Variants in TTC34 observed in about 807,000 individuals in gnomAD.
TTC34 encodes tetratricopeptide repeat protein 34.
In TTC34, 44 loss-of-function variants were observed where a neutral mutation model predicts 40.7. That is an observed-to-expected ratio of 1.08 (90% CI 0.85 to 1.39). TTC34 has a LOEUF of 1.39. Ranked by LOEUF, TTC34 falls within the 40% of genes most tolerant of loss-of-function variation. The pLI, the probability that TTC34 is intolerant of heterozygous loss-of-function variation, is 0.00. For missense variants in TTC34, 884 were observed against 838.0 expected (o/e 1.05, Z -0.68); for synonymous variants, 422 against 398.6 (o/e 1.06, Z -0.70).
In TTC34 at chr1:2,686,549, A is replaced by G. The variant is rs374302329; in HGVS notation, c.2227-40986T>C. Among the ~76,000 whole-genome samples, 25 of 73,112 alleles carry G rather than the reference A, an allele frequency of 3.4e-4. No individual in the cohort carries two copies. In the East Asian group the frequency reaches 8.8e-3, roughly 26 times the overall value. The allele number at this position is 73,112 out of a possible 152,430, so 48.0% of individuals were successfully genotyped here. A position where few individuals can be genotyped will look rare whatever the true frequency, so the allele number is the denominator to read the frequency against. On this transcript the variant is annotated intron_variant, in intron 6 of 8. Transcript: ENST00000401095. ...CCAGGGGAGCATCTGACAGCCTGGA[A>G]CAGCACGCACACACCCAGGTGAGCA...
chr1:2,656,138 C>A (rs1474924029), intron 6 of TTC34, among the ~76,000 whole-genome samples: 1 of 152,284 alleles, frequency 6.6e-6, no homozygotes, highest in African/African-American at 2.4e-5. Context: ...CCCACAGCCC[C>A]AGGTGAGCAT....
chr1:2,643,275 T>G (rs557398718), intron 8 of TTC34, among the ~76,000 whole-genome samples: 1 of 152,330 alleles, frequency 6.6e-6, no homozygotes, highest in East Asian at 1.9e-4. Context: ...TGTTGGCTCA[T>G]TTCCGGGTGG....
chr1:2,644,547 C>G, intron 7 of TTC34, 69 bp from the exon 8 acceptor site: 1 of 1,433,380 alleles, frequency 7.0e-7, no homozygotes, highest in South Asian at 1.3e-5. Context: ...CTGAGACTCG[C>G]TGGCCGCTCC....
intron 6 of TTC34, among the ~76,000 whole-genome samples, chr1:2,651,025 C>T (rs1322363824): frequency 1.3e-5 from 2 of 150,500 alleles, no homozygotes; most frequent in East Asian, 2.0e-4. Context: ...CAGCACTCCA[C>T]GCCTTCGGGG....
At chr1:2,697,753 AGAGC>A (rs1640935745) in intron 6 of TTC34, among the ~76,000 whole-genome samples, 3 of 34,332 alleles carry the variant, frequency 8.7e-5, no homozygotes, top group South Asian at 1.1e-3. Context: ...ACAGCCTGGA[AGAGC>A]AACCACACCC....
intron 6 of TTC34, among the ~76,000 whole-genome samples, chr1:2,684,531 C>G (rs1423860950): frequency 1.6e-5 from 2 of 123,452 alleles, no homozygotes; most frequent in Non-Finnish European, 3.5e-5. Context: ...AGGTGAGCAT[C>G]CGACATCCTG....
At chr1:2,695,732 GAA>G in intron 6 of TTC34, among the ~76,000 whole-genome samples, 2 of 137,008 alleles carry the variant, frequency 1.5e-5, no homozygotes, top group South Asian at 2.4e-4. Flanking sequence ...GTGAGCAGCT[GAA>G]ATCCTGGAAC....
rs180777014 is a variant in TTC34, at chr1:2,645,340, C to G, written c.2450G>C (p.Gly817Ala). The G allele has an allele frequency of 6.6e-7, 1 of 1,525,644 alleles. No individual in the cohort carries two copies. The highest frequency in any genetic ancestry group is 2.0e-5 in the Admixed American group (1 of 49,808). 94.5% of individuals were successfully genotyped at this position (1,525,644 alleles called of 1,614,324 possible). Reference sequence around the variant, plus strand: ...CAGGAGGAGGTGCCAGTGCGGTTGCCCTGAGTCGATTTTGATCAGCGCCTC... The same window carrying G: ...CAGGAGGAGGTGCCAGTGCGGTTGCGCTGAGTCGATTTTGATCAGCGCCTC... The change falls in exon 7 of 9, where the codon GGG becomes GCG. Residue 817 changes from glycine to alanine, a missense_variant. By Grantham distance (60) the Gly-to-Ala change is moderately conservative (BLOSUM62 0). Coordinates refer to ENST00000401095, the Ensembl canonical transcript of TTC34. The surrounding 1 kb of genome is among the most constrained non-coding windows in gnomAD (Gnocchi z 4.7).
At chr1:2,694,619 C>A (rs1016254756) in intron 6 of TTC34, among the ~76,000 whole-genome samples, 1 of 84,340 alleles carries the variant, frequency 1.2e-5, no homozygotes, top group Non-Finnish European at 2.9e-5. Flanking sequence ...AACCACGGAG[C>A]AGCACCCACA....
chr1:2,691,768 A>G (rs1345913241), intron 6 of TTC34, among the ~76,000 whole-genome samples: 5 of 60,054 alleles, frequency 8.3e-5, no homozygotes, highest in African/African-American at 1.6e-4. Context: ...CTGAACGCAA[A>G]TAGCAGCACC....
chr1:2,793,336 AT>A (rs899541033), intron 2 of TTC34, among the ~76,000 whole-genome samples: 2 of 151,922 alleles, frequency 1.3e-5, no homozygotes, highest in African/African-American at 2.4e-5. Flanking sequence ...CTTGTATTGA[AT>A]TTTTTTTCTT....
At position 2,787,560 on chromosome 1, in the gene TTC34, C is replaced by T. The variant is rs61737584; in HGVS notation, c.1775G>A (p.Arg592Gln). 4.3e-3 allele frequency: 6,639 copies of T among 1,543,902 alleles called. 233 individuals are homozygous for T. In the African/African-American group the frequency reaches 0.08, roughly 19 times the overall value. ...CAGCACAGGGGCTGCCTGGGGCCTCCGGGATAGGGCCACCAGCAGGGCCTT... is the reference window on the plus strand; with the variant it reads ...CAGCACAGGGGCTGCCTGGGGCCTCTGGGATAGGGCCACCAGCAGGGCCTT... Residue 592 changes from arginine to glutamine, a missense_variant, in exon 4 of 9, where the codon CGG becomes CAG. By Grantham distance (43) the Arg-to-Gln change is conservative. Transcript: ENST00000401095.
intron 6 of TTC34, among the ~76,000 whole-genome samples, chr1:2,688,621 G>A (rs1274880116): frequency 6.9e-5 from 9 of 131,048 alleles, no homozygotes; most frequent in Middle Eastern, 4.5e-3. Flanking sequence ...CCCCAGGTGC[G>A]CATCTGATGG....
chr1:2,756,745 ACC>A (rs1641520403), intron 6 of TTC34, among the ~76,000 whole-genome samples: 1 of 120,264 alleles, frequency 8.3e-6, no homozygotes. Flanking sequence ...CAGCACGCAC[ACC>A]CCCAGTTGAG....
chr1:2,698,970 C>G (rs572504254), intron 6 of TTC34, among the ~76,000 whole-genome samples: 187 of 138,714 alleles, frequency 1.3e-3, no homozygotes, highest in Non-Finnish European at 2.2e-3. Context: ...TCACCCTGCC[C>G]CCCCAGGTGA....
Position 2,645,548 on chromosome 1 carries a change from T to C in TTC34, c.2242A>G (p.Ile748Val), listed in dbSNP as rs1639005396. ...GGGCCGAGCTTCAGAGCAGAGACGA[T>C]GTCGTCCACGGCTTCCTGCAAGGAG... The change falls in exon 7 of 9, where the codon ATC becomes GTC. Residue 748 changes from isoleucine to valine, a missense_variant. Transcript: ENST00000401095. The surrounding 1 kb of genome is among the most constrained non-coding windows in gnomAD (Gnocchi z 4.7). 2 of 990,242 alleles carry C rather than the reference T, an allele frequency of 2.0e-6. No homozygotes were observed. Among genetic ancestry groups the C allele is most frequent in the Non-Finnish European group, 2.5e-6 (2 of 792,780 alleles). 61.3% of individuals were successfully genotyped at this position (990,242 alleles called of 1,614,324 possible). A position where few individuals can be genotyped will look rare whatever the true frequency, so the allele number is the denominator to read the frequency against.
chr1:2,748,879 A>AAC (rs1641229099), intron 6 of TTC34, among the ~76,000 whole-genome samples: 4 of 132,336 alleles, frequency 3.0e-5, no homozygotes, highest in Middle Eastern at 3.9e-3. Context: ...CAGCACCCAC[A>AAC]CCTTCAGGTG....
intron 6 of TTC34, among the ~76,000 whole-genome samples, chr1:2,751,860 G>T (rs1207774039): frequency 9.1e-6 from 1 of 110,082 alleles, no homozygotes; most frequent in Non-Finnish European, 1.8e-5. Context: ...CCCCAAGTGA[G>T]CATCCGACAG....
chr1:2,675,222 C>G (rs1488406903), intron 6 of TTC34, among the ~76,000 whole-genome samples: 1 of 144,448 alleles, frequency 6.9e-6, no homozygotes, highest in Non-Finnish European at 1.5e-5. Context: ...CATCTGAGAG[C>G]CTGGAACAGC....
Sources: gnomAD v4.1 joint callset for allele counts (sites outside exome capture counted in the v4.1 genomes callset) on GRCh38, gnomAD v4.1.1 for gene constraint, Gnocchi (gnomAD v3.1) non-coding constraint, MANE v1.5 for transcripts, NCBI Gene and HGNC (gene_info 2026-07-23, HGNC 2026-07-21) for gene names.